DPYD: variants seen among roughly 807,000 people sequenced by gnomAD.
DPYD encodes the protein dihydropyrimidine dehydrogenase.
In DPYD, 109 loss-of-function variants were observed where a neutral mutation model predicts 116.2. The observed-to-expected ratio is 0.94, with a 90% CI of 0.80 to 1.10. DPYD has a LOEUF of 1.10. DPYD is among the 50% of genes least tolerant of loss of function. DPYD has a pLI of 0.00. For synonymous variants in DPYD, 440 were observed against 432.0 expected, an observed-to-expected ratio of 1.02 and a Z score of -0.23; for missense variants, 1,302 against 1,254.5, an observed-to-expected ratio of 1.04 and a Z score of -0.57.
At chr1:97,911,613 A>G (rs1673940955) in intron 1 of DPYD, among the ~76,000 whole-genome samples, 1 of 152,090 alleles carries the variant, frequency 6.6e-6, no homozygotes, top group African/African-American at 2.4e-5. Flanking sequence ...GTACACACAC[A>G]TGCTAGTGCA....
chr1:97,233,775 T>C (rs898949409), intron 19 of DPYD, among the ~76,000 whole-genome samples: 7 of 152,178 alleles, frequency 4.6e-5, no homozygotes, highest in Non-Finnish European at 8.8e-5. Context: ...CCCTAGCCAA[T>C]CTGCCTTCTC....
At chr1:97,585,186 T>C (rs921739223) in intron 10 of DPYD, among the ~76,000 whole-genome samples, 7 of 152,178 alleles carry the variant, frequency 4.6e-5, no homozygotes, top group African/African-American at 1.7e-4. Context: ...AGATACCAAG[T>C]TGAATTCATC....
At chr1:97,679,448 A>G (rs748636005) in intron 7 of DPYD, among the ~76,000 whole-genome samples, 5 of 152,206 alleles carry the variant, frequency 3.3e-5, no homozygotes, top group Admixed American at 1.3e-4. Context: ...CTTGCATAAT[A>G]TGTTCAAAGC....
chr1:97,670,337 T>C (rs1466954069), intron 8 of DPYD, among the ~76,000 whole-genome samples: 4 of 152,148 alleles, frequency 2.6e-5, no homozygotes, highest in African/African-American at 7.2e-5. Context: ...ATGATGGTAC[T>C]TGGAGATGGG....
chr1:97,455,733 A>G (rs529214216), intron 13 of DPYD, among the ~76,000 whole-genome samples: 1 of 152,092 alleles, frequency 6.6e-6, no homozygotes, highest in African/African-American at 2.4e-5. Flanking sequence ...TCATGAACTA[A>G]GTATATTAAT....
intron 19 of DPYD, among the ~76,000 whole-genome samples, chr1:97,214,212 C>T (rs1010499710): frequency 6.6e-6 from 1 of 152,060 alleles, no homozygotes; most frequent in Non-Finnish European, 1.5e-5. Flanking sequence ...TTCTGTATTG[C>T]ATCCTGGGAG....
chr1:97,291,496 A>C (rs1666167071), intron 18 of DPYD, among the ~76,000 whole-genome samples: 1 of 152,178 alleles, frequency 6.6e-6, no homozygotes, highest in African/African-American at 2.4e-5. Context: ...ACCATGGAAT[A>C]CTATGCAGCC....
chr1:97,593,190 T>C (rs995970722), intron 10 of DPYD, 28 bp downstream of exon 10: 1 of 1,611,862 alleles, frequency 6.2e-7, no homozygotes, highest in Non-Finnish European at 8.5e-7. Flanking sequence ...GGAGTACAAC[T>C]CCATATTTTC....
At chr1:97,846,619 C>T (rs2101551451) in intron 2 of DPYD, among the ~76,000 whole-genome samples, 1 of 152,298 alleles carries the variant, frequency 6.6e-6, no homozygotes, top group Non-Finnish European at 1.5e-5. Context: ...GAAAACCCCA[C>T]ACATCTGGTA....
intron 22 of DPYD, among the ~76,000 whole-genome samples, chr1:97,080,249 C>T (rs1649061372): frequency 6.6e-6 from 1 of 152,020 alleles, no homozygotes; most frequent in Non-Finnish European, 1.5e-5. Flanking sequence ...AGTGTCTCTC[C>T]ACCCCCATGG....
chr1:97,747,077 G>A (rs1442506875), intron 3 of DPYD, among the ~76,000 whole-genome samples: 1 of 151,800 alleles, frequency 6.6e-6, no homozygotes, highest in Non-Finnish European at 1.5e-5. Context: ...TTTATTTATG[G>A]AGCATAAGAT....
intron 14 of DPYD, among the ~76,000 whole-genome samples, chr1:97,390,226 C>A (rs1012577396): frequency 6.6e-6 from 1 of 151,964 alleles, no homozygotes; most frequent in African/African-American, 2.4e-5. Context: ...AGCTTCAAGA[C>A]AATCTAAATT....
At chr1:97,794,375 CA>C (rs142175824) in intron 3 of DPYD, among the ~76,000 whole-genome samples, 4 of 151,372 alleles carry the variant, frequency 2.6e-5, no homozygotes, top group East Asian at 1.9e-4. Flanking sequence ...ACAAGCCGAC[CA>C]AAAAAAATAA....
At chr1:97,211,232 GC>G (rs1228445861) in intron 19 of DPYD, among the ~76,000 whole-genome samples, 1 of 152,090 alleles carries the variant, frequency 6.6e-6, no homozygotes, top group African/African-American at 2.4e-5. Flanking sequence ...TTTCTGCAAT[GC>G]CTTTCTCCAT....
chr1:97,727,681 T>C (rs1452700200), intron 4 of DPYD, among the ~76,000 whole-genome samples: 1 of 151,846 alleles, frequency 6.6e-6, no homozygotes, highest in Non-Finnish European at 1.5e-5. Flanking sequence ...AATCTATCTA[T>C]TACAAATAAC....
At chr1:97,130,749 CTCCCTT>C (rs1653227910) in intron 20 of DPYD, among the ~76,000 whole-genome samples, 1 of 46,850 alleles carries the variant, frequency 2.1e-5, no homozygotes, top group South Asian at 9.9e-4. Flanking sequence ...TTTCTTCTTT[CTCCCTT>C]CCTTCCTTCC....
At chr1:97,590,681 T>A (rs561181499) in intron 10 of DPYD, among the ~76,000 whole-genome samples, 36 of 152,338 alleles carry the variant, frequency 2.4e-4, no homozygotes, top group Non-Finnish European at 5.0e-4. Flanking sequence ...ATCTCAAGGA[T>A]CTGTTGCTTC....
chr1:97,414,146 A>C (rs1674162124), intron 14 of DPYD, among the ~76,000 whole-genome samples: 1 of 152,176 alleles, frequency 6.6e-6, no homozygotes, highest in African/African-American at 2.4e-5. Flanking sequence ...CAAAAAACAC[A>C]CACACACATA....
rs767376585 is a variant in DPYD, at chr1:97,450,167, C to G, written c.1797G>C (p.Met599Ile). Residue 599 changes from methionine to isoleucine, a missense_variant, in exon 14 of 23, where the codon ATG becomes ATC. Physicochemically the swap from Met to Ile is conservative, Grantham distance 10 (BLOSUM62 1). Transcript: ENST00000370192. ...RIIRGTTSGP[M>I]YGPGQSSFLN... ...GAAAGGAGCTTTGTCCAGGGCCATA[C>G]ATGGGGCCAGAGGTGGTTCCCCGGA... 1 of 1,613,926 alleles carries G rather than the reference C, an allele frequency of 6.2e-7. No homozygotes were observed. The highest frequency in any genetic ancestry group is 1.7e-5 in the Admixed American group (1 of 59,964).
Sources: gnomAD v4.1 joint callset for allele counts (sites outside exome capture counted in the v4.1 genomes callset) on GRCh38, gnomAD v4.1.1 for gene constraint, MANE v1.5 for transcripts, NCBI Gene and HGNC (gene_info 2026-07-23, HGNC 2026-07-21) for gene names.